Variants in PDCD6IP observed in about 807,000 individuals in gnomAD.
PDCD6IP encodes the protein programmed cell death 6 interacting protein.
Under a neutral mutation model 103.7 loss-of-function variants are expected in PDCD6IP, and 43 were observed. That is an observed-to-expected ratio of 0.41 (90% CI 0.32 to 0.53). PDCD6IP has a LOEUF of 0.53. Among genes scored for constraint, PDCD6IP ranks in the 20% least tolerant of loss-of-function variants. The pLI is 0.16. For synonymous variants in PDCD6IP, 354 were observed against 378.7 expected, an observed-to-expected ratio of 0.93 and a Z score of 0.76; for missense variants, 871 against 1,036.7, an observed-to-expected ratio of 0.84 and a Z score of 2.20.
At chr3:33,826,904 T>TACAA in intron 6 of PDCD6IP, 8 of 1,092,698 alleles carry the variant, frequency 7.3e-6, no homozygotes, top group Non-Finnish European at 7.8e-6. Flanking sequence ...GGTGATTTGG[T>TACAA]ACAAGCATGT....
chr3:33,810,195 A>G (rs1312303171), intron 1 of PDCD6IP, among the ~76,000 whole-genome samples: 1 of 152,188 alleles, frequency 6.6e-6, no homozygotes, highest in Non-Finnish European at 1.5e-5. Context: ...TAATTTTTCT[A>G]ATTTCATCTA....
chr3:33,826,970 A>G, intron 6 of PDCD6IP: 2 of 997,038 alleles, frequency 2.0e-6, no homozygotes, highest in African/African-American at 1.7e-5. Flanking sequence ...TTTCTTAAAG[A>G]TGAGCCTTAA....
intron 13 of PDCD6IP, among the ~76,000 whole-genome samples, chr3:33,853,364 C>T (rs1223159293): frequency 1.3e-5 from 2 of 152,006 alleles, no homozygotes; most frequent in African/African-American, 4.8e-5. Flanking sequence ...GTTGGAATTA[C>T]TGATACCTTT....
chr3:33,819,900 T>C (rs565541177), intron 3 of PDCD6IP, among the ~76,000 whole-genome samples: 10 of 152,224 alleles, frequency 6.6e-5, no homozygotes, highest in Non-Finnish European at 1.5e-4. Context: ...AAGTGTACAC[T>C]TCAGTGGTAT....
chr3:33,819,141 AT>A (rs1450779804), intron 3 of PDCD6IP, among the ~76,000 whole-genome samples: 1 of 151,696 alleles, frequency 6.6e-6, no homozygotes, highest in Non-Finnish European at 1.5e-5. Context: ...TTCACTCGTA[AT>A]TTTTATATTT....
chr3:33,844,446 C>G (rs1456011056), intron 11 of PDCD6IP, among the ~76,000 whole-genome samples: 2 of 152,140 alleles, frequency 1.3e-5, no homozygotes, highest in Non-Finnish European at 2.9e-5. Context: ...GATCCTCCAA[C>G]TTTCATTTTC....
intron 12 of PDCD6IP, among the ~76,000 whole-genome samples, chr3:33,850,585 A>G (rs533681969): frequency 4.4e-4 from 67 of 152,152 alleles, no homozygotes; most frequent in African/African-American, 1.5e-3. Context: ...ATGTATATGT[A>G]TATTTATTTT....
In PDCD6IP at chr3:33,825,158, T is replaced by C. The variant is rs200065884; in HGVS notation, c.463-29T>C. ...AGGAAATTAAGTCTTGCTGAGTTCC[T>C]ATAAAGAAATTCTTTTTCCCCCCTT... On this transcript the variant is annotated intron_variant, in intron 4 of 17. Transcript: ENST00000307296. 2.8e-5 allele frequency: 44 copies of C among 1,592,548 alleles called. No individual in the cohort carries two copies. In the East Asian group the frequency reaches 6.3e-4, roughly 23 times the overall value.
intron 12 of PDCD6IP, among the ~76,000 whole-genome samples, chr3:33,848,337 G>A (rs748576837): frequency 9.2e-5 from 14 of 151,994 alleles, no homozygotes; most frequent in Middle Eastern, 3.2e-3. Flanking sequence ...TTGCTTATTT[G>A]CCTTTTCTGA....
intron 12 of PDCD6IP, among the ~76,000 whole-genome samples, chr3:33,850,321 T>C (rs1697686114): frequency 6.7e-6 from 1 of 150,244 alleles, no homozygotes; most frequent in Non-Finnish European, 1.5e-5. Flanking sequence ...TTCACTTTGT[T>C]AGACCCATTT....
intron 16 of PDCD6IP, 61 bp from the exon 17 acceptor site, chr3:33,865,182 T>A (rs1698035357): frequency 1.7e-6 from 2 of 1,187,784 alleles, no homozygotes; most frequent in African/African-American, 3.2e-5. Context: ...TTAATTTTAA[T>A]TAATAGCAAT....
chr3:33,808,031 T>C (rs1009559629), intron 1 of PDCD6IP, among the ~76,000 whole-genome samples: 1 of 152,232 alleles, frequency 6.6e-6, no homozygotes, highest in African/African-American at 2.4e-5. Context: ...TTTTAGGTTT[T>C]ATTTTTCAGA....
At chr3:33,858,715 CAGG>C (rs1211842094) in intron 15 of PDCD6IP, among the ~76,000 whole-genome samples, 1 of 151,916 alleles carries the variant, frequency 6.6e-6, no homozygotes, top group Non-Finnish European at 1.5e-5. Context: ...GAGGCTGAGA[CAGG>C]AGAATGGCGT....
chr3:33,839,587 G>A (rs1310101233), intron 9 of PDCD6IP, among the ~76,000 whole-genome samples: 2 of 152,134 alleles, frequency 1.3e-5, no homozygotes, highest in East Asian at 1.9e-4. Context: ...ATAAATCTTC[G>A]TGTGGACATA....
chr3:33,863,467 C>T lies in PDCD6IP; in HGVS notation c.2121-539C>T, dbSNP rs555266923. 7.9e-5 allele frequency among the ~76,000 whole-genome samples: 12 copies of T among 152,286 alleles called. No homozygotes were observed. In the East Asian group the frequency reaches 2.1e-3, roughly 27 times the overall value. On this transcript the variant is annotated intron_variant, in intron 15 of 17. Transcript: ENST00000307296. The stretch of plus-strand genomic sequence containing the variant: ...CTTGACTCTAGTAACCATCATTCTA[C>T]TCTGTCTCCTTGTTTTTAGCTCACA...
At position 33,852,594 on chromosome 3, in the gene PDCD6IP, A is replaced by C. The variant is rs1697741946; in HGVS notation, c.1748A>C (p.Lys583Thr). 1.3e-6 allele frequency: 2 copies of C among 1,598,306 alleles called. No individual in the cohort carries two copies. Among genetic ancestry groups the C allele is most frequent in the Admixed American group, 1.8e-5 (1 of 56,104 alleles). ...TCTGTGAATTTTGACATGACAAGCA[A>C]GTTTTTGACAGCCCTGGCTCAAGAT... ...LKSVNFDMTSKFLTALAQDGV... is the reference protein window; with the variant it reads ...LKSVNFDMTSTFLTALAQDGV... The change falls in exon 13 of 18, where the codon AAG becomes ACG. Residue 583 changes from lysine (K) to threonine (T), a missense_variant. Transcript: ENST00000307296.
In PDCD6IP at chr3:33,853,920, T is replaced by C; in HGVS notation, c.1932T>C (p.Asn644=). ...TTTCAAAAATGAAACAATCTAATAA[T>C]GAAGCTAACTTAAGAGAAGAAGTTT... The part of the protein sequence containing the change: ...QEFSKMKQSN[N]EANLREEVLK... Residue 644 remains asparagine (N), a synonymous_variant, in exon 14 of 18, where the codon AAT becomes AAC. Coordinates refer to ENST00000307296, the MANE Select transcript of PDCD6IP (RefSeq NM_013374.6). 6.3e-7 allele frequency: 1 copy of C among 1,582,924 alleles called. No individual in the cohort carries two copies. The highest frequency in any genetic ancestry group is 1.7e-4 in the Middle Eastern group (1 of 5,994).
chr3:33,839,434 G>T (rs1024794905), intron 9 of PDCD6IP, among the ~76,000 whole-genome samples: 18 of 151,892 alleles, frequency 1.2e-4, no homozygotes, highest in Non-Finnish European at 2.2e-4. Flanking sequence ...TCTTTTCTAT[G>T]GCTGAGCAGT....
At position 33,864,068 on chromosome 3, in the gene PDCD6IP, A is replaced by C; in HGVS notation, c.2183A>C (p.Gln728Pro). 1 of 1,614,152 alleles carries C rather than the reference A, an allele frequency of 6.2e-7. No individual in the cohort carries two copies. The highest frequency in any genetic ancestry group is 8.5e-7 in the Non-Finnish European group (1 of 1,179,972). The part of the protein sequence containing the change: ...SAPSIPTPAY[Q>P]SSPAGGHAPT... ...CCTTCAATTCCTACACCTGCGTATC[A>C]GTCCTCACCAGCAGGAGGACATGCA... The change falls in exon 16 of 18, where the codon CAG (glutamine) becomes CCG (proline). Residue 728 changes from glutamine (Q) to proline (P), a missense_variant. Gln to Pro is a moderately conservative substitution (Grantham distance 76). This residue lies in a region of PDCD6IP where 202 missense variants were observed against 205.2 expected (regional missense o/e 0.98). Transcript: ENST00000307296.
Sources: allele counts gnomAD v4.1 joint callset (sites outside exome capture counted in the v4.1 genomes callset), GRCh38; gene constraint gnomAD v4.1.1; regional missense constraint gnomAD v4.1.1; transcripts MANE v1.5; gene names NCBI Gene and HGNC (gene_info 2026-07-23, HGNC 2026-07-21).